HLA-DPB1: variants seen among roughly 807,000 people sequenced by gnomAD.
HLA-DPB1 encodes the protein major histocompatibility complex, class II, DP beta 1, also known as HLA class II histocompatibility antigen, DP beta 1 chain.
Under a neutral mutation model 29.4 loss-of-function variants are expected in HLA-DPB1, and 30 were observed. The ratio of observed to expected loss-of-function variants is 1.02; its 90% confidence interval spans 0.76 to 1.38. The LOEUF is 1.38. Among genes scored for constraint, HLA-DPB1 ranks in the 40% most tolerant of loss-of-function variants. The pLI is 0.00. For missense variants in HLA-DPB1, 261 were observed against 327.5 expected, an observed-to-expected ratio of 0.80 and a Z score of 1.57; for synonymous variants, 114 against 134.0, an observed-to-expected ratio of 0.85 and a Z score of 1.03.
intron 2 of HLA-DPB1, chr6:33,081,144 A>G (rs7770370): frequency 0.2 from 114,350 of 585,394 alleles, 17,532 homozygotes; most frequent in African/African-American, 0.55. Flanking sequence ...GAGGAGGACG[A>G]GAGCAGAGAG....
At chr6:33,084,879 AGG>A in intron 2 of HLA-DPB1, 69 bp from the exon 3 acceptor site, 12 of 574,984 alleles carry the variant, frequency 2.1e-5, no homozygotes, top group Non-Finnish European at 2.7e-5. Context: ...GAAGGAAGGA[AGG>A]AAGGAAGGAA....
rs371786401 is a variant in HLA-DPB1 at position 33,077,093 on chromosome 6, C to T, written c.100+952C>T. ...CCTCCCCCCACCCCACAACAGGCCC[C>T]GGTGTATGATGTTCCCCTTCCTGTG... is the stretch of plus-strand genomic sequence containing the variant. On this transcript the variant is annotated intron_variant, in intron 1 of 5. Coordinates refer to ENST00000418931, the MANE Select transcript of HLA-DPB1 (RefSeq NM_002121.6). Among the ~76,000 whole-genome samples, 160 of 134,344 alleles carry T rather than the reference C, an allele frequency of 1.2e-3. 1 individual carries two copies. In the East Asian group the frequency reaches 0.023, roughly 19 times the overall value. The allele number at this position is 134,344 out of a possible 152,430, so 88.1% of individuals were successfully genotyped here.
intron 1 of HLA-DPB1, among the ~76,000 whole-genome samples, chr6:33,077,607 G>T (rs1239246046): frequency 6.6e-6 from 1 of 152,074 alleles, no homozygotes. Flanking sequence ...TCTGTTGGTG[G>T]GACTGTAAAC....
At chr6:33,076,166 G>A (rs1264558715) in intron 1 of HLA-DPB1, 25 bp downstream of exon 1, 1 of 1,509,060 alleles carries the variant, frequency 6.6e-7, no homozygotes, top group Non-Finnish European at 9.1e-7. Context: ...GCCATTCTTG[G>A]AGGGTCTGGC....
intron 2 of HLA-DPB1, among the ~76,000 whole-genome samples, chr6:33,083,050 T>C (rs1762944411): frequency 6.6e-6 from 1 of 152,210 alleles, no homozygotes; most frequent in Non-Finnish European, 1.5e-5. Context: ...GAAGAAATTG[T>C]AGGTAATTCA....
At chr6:33,076,228 C>T (rs1359327605) in intron 1 of HLA-DPB1, 87 bp downstream of exon 1, 1 of 907,642 alleles carries the variant, frequency 1.1e-6, no homozygotes, top group African/African-American at 1.7e-5. Flanking sequence ...AATTCTGAGA[C>T]AGGCTGCGGG....
Position 33,076,924 on chromosome 6 carries a change from T to A in HLA-DPB1, c.100+783T>A, listed in dbSNP as rs186786442. 7.5e-3 allele frequency among the ~76,000 whole-genome samples: 1,139 copies of A among 151,736 alleles called. 9 individuals are homozygous for A. Among genetic ancestry groups the A allele is most frequent in the South Asian group, 0.05 (239 of 4,802 alleles). ...CAGGATACTCTCAGGATATTTCTTT[T>A]TATATATATATATACTTTAAGTTCT... is the stretch of plus-strand genomic sequence containing the variant. On this transcript the variant is annotated intron_variant, in intron 1 of 5. Coordinates refer to ENST00000418931, the MANE Select transcript of HLA-DPB1 (RefSeq NM_002121.6).
chr6:33,086,957 T>C lies in HLA-DPB1; in HGVS notation c.*423T>C. 4.4e-6 allele frequency: 1 copy of C among 226,490 alleles called. No individual in the cohort carries two copies. Among genetic ancestry groups the C allele is most frequent in the Non-Finnish European group, 8.7e-6 (1 of 115,074 alleles). 14.0% of individuals were successfully genotyped at this position (226,490 alleles called of 1,614,324 possible). ...TGGGGCCTGTTACACATGACACTCT[T>C]CTGAATTGACTGTATTTCAGTGAGC... On this transcript the variant is annotated 3_prime_UTR_variant, in exon 6 of 6. Coordinates refer to ENST00000418931, the MANE Select transcript of HLA-DPB1 (RefSeq NM_002121.6).
At chr6:33,079,503 A>G (rs1212379642) in intron 1 of HLA-DPB1, 3 of 327,586 alleles carry the variant, frequency 9.2e-6, no homozygotes, top group Non-Finnish European at 1.8e-5. Flanking sequence ...AAGAGGACCA[A>G]CAAGTTCATG....
intron 3 of HLA-DPB1, 53 bp from the exon 4 acceptor site, chr6:33,085,726 A>G: frequency 8.7e-7 from 1 of 1,146,212 alleles, no homozygotes; most frequent in Non-Finnish European, 1.3e-6. Flanking sequence ...ACAGGACATG[A>G]GTAGGGATGC....
At chr6:33,081,722 C>G (rs1239576419) in intron 2 of HLA-DPB1, among the ~76,000 whole-genome samples, 1 of 152,106 alleles carries the variant, frequency 6.6e-6, no homozygotes, top group Non-Finnish European at 1.5e-5. Context: ...TGTGGCGCAT[C>G]CTCCTCGGGG....
chr6:33,081,029 T>A (rs187784816), intron 2 of HLA-DPB1, 94 bp downstream of exon 2: 2 of 1,366,520 alleles, frequency 1.5e-6, no homozygotes, highest in Non-Finnish European at 1.9e-6. Context: ...GGGACCTTAG[T>A]GCCGGGCGGA....
intron 1 of HLA-DPB1, chr6:33,079,824 C>T: frequency 2.2e-6 from 1 of 445,912 alleles, no homozygotes; most frequent in South Asian, 1.7e-5. Context: ...GAGTCACCAA[C>T]CCCAGTACCA....
chr6:33,082,582 A>C (rs1266478705), intron 2 of HLA-DPB1, among the ~76,000 whole-genome samples: 1 of 152,192 alleles, frequency 6.6e-6, no homozygotes, highest in Non-Finnish European at 1.5e-5. Context: ...AAGACTACTA[A>C]GGGTGCTGGC....
Position 33,076,154 on chromosome 6 carries a change from C to T in HLA-DPB1, c.100+13C>T. 2 of 1,562,110 alleles carry T rather than the reference C, an allele frequency of 1.3e-6. No individual in the cohort carries two copies. Among genetic ancestry groups the T allele is most frequent in the South Asian group, 1.1e-5 (1 of 87,868 alleles). On this transcript the variant is annotated intron_variant, in intron 1 of 5. Coordinates refer to ENST00000418931, the MANE Select transcript of HLA-DPB1 (RefSeq NM_002121.6). ...AGGGCCACTCCAGGTAAGAGCCGAA[C>T]TGCCATTCTTGGAGGGTCTGGCTCA...
chr6:33,081,070 G>A, intron 2 of HLA-DPB1, 135 bp downstream of exon 2: 3 of 1,049,266 alleles, frequency 2.9e-6, no homozygotes, highest in Non-Finnish European at 4.0e-6. Flanking sequence ...ATTCATGGGG[G>A]GAGCCCATCT....
intron 2 of HLA-DPB1, among the ~76,000 whole-genome samples, chr6:33,084,304 C>A (rs1319795453): frequency 1.3e-5 from 2 of 152,200 alleles, no homozygotes; most frequent in Non-Finnish European, 2.9e-5. Context: ...AAATGTGCTA[C>A]AGAGTGCAAA....
At chr6:33,084,402 C>T (rs949466529) in intron 2 of HLA-DPB1, among the ~76,000 whole-genome samples, 1 of 144,288 alleles carries the variant, frequency 6.9e-6, no homozygotes, top group Non-Finnish European at 1.5e-5. Flanking sequence ...CTATTTCTAT[C>T]TTTTCAATGC....
intron 1 of HLA-DPB1, chr6:33,079,478 G>C (rs1762722822): frequency 3.2e-6 from 1 of 311,838 alleles, no homozygotes; most frequent in Non-Finnish European, 6.3e-6. Flanking sequence ...CCTCATGAAG[G>C]ATAAGATCCT....
Sources: gnomAD v4.1 joint callset for allele counts (sites outside exome capture counted in the v4.1 genomes callset) on GRCh38, gnomAD v4.1.1 for gene constraint, MANE v1.5 for transcripts, NCBI Gene and HGNC (gene_info 2026-07-23, HGNC 2026-07-21) for gene names.